Variants in ATXN10 observed in about 807,000 individuals in gnomAD.
ATXN10 encodes the protein ataxin-10.
A neutral mutation model predicts 52.9 loss-of-function variants in ATXN10; 28 were observed. That is an observed-to-expected ratio of 0.53 (90% CI 0.39 to 0.73). The LOEUF is 0.73. ATXN10 is among the 30% of genes least tolerant of loss of function. The probability of loss-of-function intolerance (pLI) is 0.00; values close to 1 mark genes in which losing one functional copy is unlikely to be tolerated. For synonymous variants in ATXN10, 226 were observed against 221.5 expected, an observed-to-expected ratio of 1.02 and a Z score of -0.18; for missense variants, 565 against 577.0, an observed-to-expected ratio of 0.98 and a Z score of 0.21.
chr22:45,721,467 C>T (rs919563177), intron 6 of ATXN10, among the ~76,000 whole-genome samples: 5 of 152,116 alleles, frequency 3.3e-5, no homozygotes, highest in African/African-American at 1.2e-4. Flanking sequence ...TAATGGTCAC[C>T]CCCGTAAACG....
intron 6 of ATXN10, among the ~76,000 whole-genome samples, chr22:45,719,924 T>G (rs1348868466): frequency 1.3e-5 from 2 of 152,194 alleles, no homozygotes; most frequent in Non-Finnish European, 2.9e-5. Context: ...AGGGCAAGGA[T>G]TCATCCCTTC....
At chr22:45,758,776 C>T (rs1051373840) in intron 9 of ATXN10, among the ~76,000 whole-genome samples, 9 of 152,250 alleles carry the variant, frequency 5.9e-5, no homozygotes, top group African/African-American at 2.2e-4. Context: ...TCAGGGCAAG[C>T]TCTTGATGCA....
intron 10 of ATXN10, among the ~76,000 whole-genome samples, chr22:45,839,617 G>A (rs969173331): frequency 6.6e-6 from 1 of 152,198 alleles, no homozygotes; most frequent in African/African-American, 2.4e-5. Context: ...CTTGAAGGGT[G>A]AGTTGCTATT....
At position 45,785,989 on chromosome 22, in the gene ATXN10, A is replaced by G. The variant is rs571357874; in HGVS notation, c.1174-20970A>G. Among the ~76,000 whole-genome samples, 12 of 151,906 alleles carry G rather than the reference A, an allele frequency of 7.9e-5. No homozygotes were observed. In the East Asian group the frequency reaches 2.3e-3, roughly 29 times the overall value. On this transcript the variant is annotated intron_variant, in intron 9 of 11. Transcript: ENST00000252934. ...CAGTGATTCAACATTCATTCACCAA[A>G]TTTTTTTTTCATCTTGTAATCAGAA...
intron 9 of ATXN10, among the ~76,000 whole-genome samples, chr22:45,773,957 G>T (rs540423466): frequency 6.6e-6 from 1 of 152,368 alleles, no homozygotes; most frequent in South Asian, 2.1e-4. Context: ...GGGATACTAT[G>T]TAGATTTCTC....
chr22:45,686,703 C>T (rs1923153102), intron 1 of ATXN10, among the ~76,000 whole-genome samples: 1 of 151,834 alleles, frequency 6.6e-6, no homozygotes, highest in Non-Finnish European at 1.5e-5. Context: ...CCTGTAGTCC[C>T]AGCTACTCAG....
At chr22:45,794,381 G>A (rs1285820099) in intron 9 of ATXN10, among the ~76,000 whole-genome samples, 1 of 147,530 alleles carries the variant, frequency 6.8e-6, no homozygotes, top group African/African-American at 2.5e-5. Flanking sequence ...TCATAAAATT[G>A]TTCATATTTT....
At chr22:45,811,576 G>A (rs1160822806) in intron 10 of ATXN10, 21 of 380,178 alleles carry the variant, frequency 5.5e-5, no homozygotes, top group Non-Finnish European at 9.5e-5. Context: ...CAGTTCTATA[G>A]TCTAGAAGCA....
chr22:45,709,917 A>G (rs755552484), intron 5 of ATXN10, among the ~76,000 whole-genome samples: 2 of 151,472 alleles, frequency 1.3e-5, no homozygotes, highest in Non-Finnish European at 2.9e-5. Flanking sequence ...ATTTTCTTTC[A>G]CTCTCACCCA....
chr22:45,759,166 A>G lies in ATXN10; in HGVS notation c.1173+18628A>G, dbSNP rs548898413. 1.2e-4 allele frequency among the ~76,000 whole-genome samples: 18 copies of G among 152,300 alleles called. No homozygotes were observed. In the South Asian group the frequency reaches 3.7e-3, roughly 32 times the overall value. ...GCTGGAGAGAAGGAAGGGGAAGAAA[A>G]GGTCCTCACCCTCAAGTAACTTGAA... is the stretch of plus-strand genomic sequence containing the variant. On this transcript the variant is annotated intron_variant, in intron 9 of 11. Coordinates refer to ENST00000252934, the MANE Select transcript of ATXN10 (RefSeq NM_013236.4). This position sits in a 1 kb window ranked among gnomAD's most constrained non-coding sequence, Gnocchi z 5.4.
chr22:45,784,385 C>T lies in ATXN10; in HGVS notation c.1174-22574C>T, dbSNP rs1046301364. On this transcript the variant is annotated intron_variant, in intron 9 of 11. Coordinates refer to ENST00000252934, the MANE Select transcript of ATXN10 (RefSeq NM_013236.4). The surrounding 1 kb of genome is among the most constrained non-coding windows in gnomAD (Gnocchi z 4.2). ...ATATAGTAGGATACTTGGCACGTTT[C>T]CTTTCCCTCGCCTATTTCCCATTTT... 4.3e-4 allele frequency among the ~76,000 whole-genome samples: 65 copies of T among 152,168 alleles called. No individual in the cohort carries two copies. Among genetic ancestry groups the T allele is most frequent in the Admixed American group, 4.3e-3 (65 of 15,280 alleles).
intron 9 of ATXN10, among the ~76,000 whole-genome samples, chr22:45,799,766 A>T (rs1194267235): frequency 6.6e-6 from 1 of 152,248 alleles, no homozygotes; most frequent in African/African-American, 2.4e-5. Context: ...AATTGCCAAA[A>T]CAATTTTGAA....
At chr22:45,735,697 T>C (rs1376079275) in intron 7 of ATXN10, among the ~76,000 whole-genome samples, 2 of 151,996 alleles carry the variant, frequency 1.3e-5, no homozygotes, top group Admixed American at 6.6e-5. Flanking sequence ...GCTGTAAAAT[T>C]GCTCAAAGAT....
chr22:45,770,826 G>C lies in ATXN10; in HGVS notation c.1173+30288G>C, dbSNP rs17574319. ...CTTTAGCCAGTGAATTGTTTCATTT[G>C]GTCCCATGGCCTGGGAATACCCCCA... On this transcript the variant is annotated intron_variant, in intron 9 of 11. Transcript: ENST00000252934. The surrounding 1 kb of genome is among the most constrained non-coding windows in gnomAD (Gnocchi z 4.5). Among the ~76,000 whole-genome samples, 2,968 of 152,270 alleles carry C rather than the reference G, an allele frequency of 0.019. 51 individuals are homozygous for C. Among genetic ancestry groups the C allele is most frequent in the Middle Eastern group, 0.031 (9 of 294 alleles).
In ATXN10 at chr22:45,683,056, C is replaced by T. The variant is rs1437016846; in HGVS notation, c.117-6656C>T. Reference sequence around the variant, plus strand: ...TCCATGGGCCGGGCACGGTGGCTCACGCCTGTCATCCCAGCACTTTGGGAG... The same window carrying T: ...TCCATGGGCCGGGCACGGTGGCTCATGCCTGTCATCCCAGCACTTTGGGAG... On this transcript the variant is annotated intron_variant, in intron 1 of 11. Transcript: ENST00000252934. This position sits in a 1 kb window ranked among gnomAD's most constrained non-coding sequence, Gnocchi z 4.8. 6.6e-6 allele frequency among the ~76,000 whole-genome samples: 1 copy of T among 152,208 alleles called. No individual in the cohort carries two copies. The highest frequency in any genetic ancestry group is 1.5e-5 in the Non-Finnish European group (1 of 68,030).
chr22:45,716,075 C>T (rs907332845), intron 5 of ATXN10, among the ~76,000 whole-genome samples: 1 of 152,042 alleles, frequency 6.6e-6, no homozygotes, highest in Non-Finnish European at 1.5e-5. Flanking sequence ...GCCAGAGCAA[C>T]ATAGTAAGAC....
At chr22:45,755,736 A>G (rs545767627) in intron 9 of ATXN10, among the ~76,000 whole-genome samples, 1 of 152,346 alleles carries the variant, frequency 6.6e-6, no homozygotes, top group Non-Finnish European at 1.5e-5. Flanking sequence ...TAATGACCAG[A>G]GTCAACAGTA....
rs763082409 is a variant in ATXN10, at chr22:45,835,600, G to A, written c.1238-7391G>A. 3.3e-5 allele frequency among the ~76,000 whole-genome samples: 5 copies of A among 152,236 alleles called. No homozygotes were observed. Among genetic ancestry groups the A allele is most frequent in the Non-Finnish European group, 5.9e-5 (4 of 68,048 alleles). On this transcript the variant is annotated intron_variant, in intron 10 of 11. Transcript: ENST00000252934. The surrounding 1 kb of genome is among the most constrained non-coding windows in gnomAD (Gnocchi z 5.0). Reference sequence around the variant, plus strand: ...TCTCTAGTGGACAGAGGTGTGAAATGTAGTTCTGTCAAACTCAGCAGTGTT... The same window carrying A: ...TCTCTAGTGGACAGAGGTGTGAAATATAGTTCTGTCAAACTCAGCAGTGTT...
At chr22:45,751,740 G>GGAAAAAA (rs1555892667) in intron 9 of ATXN10, among the ~76,000 whole-genome samples, 4 of 45,478 alleles carry the variant, frequency 8.8e-5, no homozygotes, top group South Asian at 1.3e-3. Context: ...CCTTTTTCTG[G>GGAAAAAA]AAAAAAAAAA....
Sources: allele counts gnomAD v4.1 joint callset (sites outside exome capture counted in the v4.1 genomes callset), GRCh38; gene constraint gnomAD v4.1.1; non-coding constraint Gnocchi (gnomAD v3.1); transcripts MANE v1.5; gene names NCBI Gene and HGNC (gene_info 2026-07-23, HGNC 2026-07-21).